The following SUMF1 variants were observed in gnomAD, a reference collection of about 807,000 sequenced individuals.
The protein encoded by SUMF1 is sulfatase modifying factor 1, also known as formylglycine-generating enzyme.
Under a neutral mutation model 47.6 loss-of-function variants are expected in SUMF1, and 48 were observed. That is an observed-to-expected ratio of 1.01 (90% CI 0.80 to 1.28). The LOEUF is 1.28. SUMF1 is among the 50% of genes most tolerant of loss of function. The pLI, the probability that SUMF1 is intolerant of heterozygous loss-of-function variation, is 0.00. For missense variants in SUMF1, 571 were observed against 485.4 expected (o/e 1.18, Z -1.66); for synonymous variants, 230 against 192.1 (o/e 1.20, Z -1.63).
chr3:4,351,552 G>C (rs1699502055), intron 8 of SUMF1, among the ~76,000 whole-genome samples: 1 of 152,182 alleles, frequency 6.6e-6, no homozygotes, highest in South Asian at 2.1e-4. Flanking sequence ...TGGAACGAAT[G>C]AGCTGATAAT....
intron 8 of SUMF1, among the ~76,000 whole-genome samples, chr3:4,281,683 T>C (rs1303569235): frequency 2.0e-5 from 3 of 152,040 alleles, no homozygotes; most frequent in East Asian, 3.9e-4. Context: ...AAACAAACTT[T>C]TGGGGGAAAA....
chr3:4,457,155 T>C (rs995575960), intron 1 of SUMF1, among the ~76,000 whole-genome samples: 1 of 151,320 alleles, frequency 6.6e-6, no homozygotes, highest in Non-Finnish European at 1.5e-5. Flanking sequence ...TTAGCCAGGA[T>C]GGTCTCAATC....
chr3:4,182,992 G>C (rs1028798449), intron 8 of SUMF1, among the ~76,000 whole-genome samples: 12 of 152,234 alleles, frequency 7.9e-5, no homozygotes, highest in Admixed American at 3.3e-4. Flanking sequence ...TAGACACTGA[G>C]GTTGGCTTGA....
At chr3:4,384,435 G>A (rs1003884973) in intron 7 of SUMF1, among the ~76,000 whole-genome samples, 3 of 152,056 alleles carry the variant, frequency 2.0e-5, no homozygotes, top group African/African-American at 7.2e-5. Context: ...CCATCACAAG[G>A]ATCCCTTACG....
chr3:4,047,712 A>G (rs1364913898), intron 9 of SUMF1, among the ~76,000 whole-genome samples: 2 of 152,044 alleles, frequency 1.3e-5, no homozygotes, highest in African/African-American at 4.8e-5. Context: ...TAATACTCAA[A>G]GGAGACAGTA....
chr3:4,138,897 CT>C (rs1246014913), intron 8 of SUMF1, among the ~76,000 whole-genome samples: 2 of 151,980 alleles, frequency 1.3e-5, no homozygotes, highest in African/African-American at 4.8e-5. Flanking sequence ...GTTCTTGAGG[CT>C]ATTTACCCAT....
In SUMF1 at chr3:4,346,779, C is replaced by T. The variant is rs185460775; in HGVS notation, c.1014+29551G>A. On this transcript the variant is annotated intron_variant and NMD_transcript_variant, in intron 8 of 12. Coordinates refer to the SUMF1 transcript ENST00000448413. The stretch of plus-strand genomic sequence containing the variant: ...TGAAAAAATTAATAGAAAGATAGAC[C>T]GCTAGCTAGGCTAATAAAGAAGAAG... Among the ~76,000 whole-genome samples, 9 of 151,706 alleles carry T rather than the reference C, an allele frequency of 5.9e-5. No homozygotes were observed. In the East Asian group the frequency reaches 1.5e-3, roughly 26 times the overall value.
chr3:4,103,932 G>C (rs1180705739), intron 8 of SUMF1, among the ~76,000 whole-genome samples: 1 of 152,108 alleles, frequency 6.6e-6, no homozygotes, highest in East Asian at 1.9e-4. Flanking sequence ...ATAACACAGA[G>C]TTTACTTGAC....
intron 8 of SUMF1, among the ~76,000 whole-genome samples, chr3:4,238,810 T>A (rs1040460773): frequency 6.6e-6 from 1 of 152,230 alleles, no homozygotes; most frequent in African/African-American, 2.4e-5. Context: ...TGGCTTTTGT[T>A]GCCGTTGCTT....
At chr3:4,266,496 T>C (rs1304540165) in intron 8 of SUMF1, among the ~76,000 whole-genome samples, 1 of 152,212 alleles carries the variant, frequency 6.6e-6, no homozygotes, top group African/African-American at 2.4e-5. Flanking sequence ...GAAGCAATTG[T>C]GAATGGGAGT....
At chr3:4,086,879 G>T (rs930160611) in intron 8 of SUMF1, among the ~76,000 whole-genome samples, 1 of 152,038 alleles carries the variant, frequency 6.6e-6, no homozygotes, top group African/African-American at 2.4e-5. Context: ...TGCCACATAA[G>T]ACATGCCTCT....
chr3:4,087,834 A>G (rs1437772354), intron 8 of SUMF1, among the ~76,000 whole-genome samples: 1 of 152,156 alleles, frequency 6.6e-6, no homozygotes, highest in Non-Finnish European at 1.5e-5. Context: ...AATAATCATG[A>G]GATTCTAAAC....
intron 8 of SUMF1, among the ~76,000 whole-genome samples, chr3:4,173,698 C>A (rs1694884817): frequency 6.6e-6 from 1 of 152,080 alleles, no homozygotes; most frequent in African/African-American, 2.4e-5. Flanking sequence ...ACTATGCAGC[C>A]ATAAGAAAGG....
chr3:4,282,919 C>T (rs1421932997), intron 8 of SUMF1, among the ~76,000 whole-genome samples: 1 of 152,166 alleles, frequency 6.6e-6, no homozygotes, highest in African/African-American at 2.4e-5. Context: ...GCTGTCAGAG[C>T]TATTTTTATT....
At chr3:4,448,798 G>C (rs1702870382) in intron 3 of SUMF1, among the ~76,000 whole-genome samples, 1 of 152,118 alleles carries the variant, frequency 6.6e-6, no homozygotes, top group Admixed American at 6.5e-5. Context: ...CATTTTTCAT[G>C]AACATTCAGA....
At chr3:4,466,888 C>A in intron 1 of SUMF1, 88 bp downstream of exon 1, 1 of 1,533,776 alleles carries the variant, frequency 6.5e-7, no homozygotes, top group Non-Finnish European at 8.8e-7. Context: ...CCTTTACTTC[C>A]CTTCCTACTA....
intron 3 of SUMF1, among the ~76,000 whole-genome samples, chr3:4,445,101 T>C (rs1371599258): frequency 2.0e-5 from 3 of 152,216 alleles, no homozygotes; most frequent in Non-Finnish European, 4.4e-5. Flanking sequence ...TAAAATTAGA[T>C]TGTAATGATA....
At chr3:4,300,077 G>C (rs1697932403) in intron 8 of SUMF1, among the ~76,000 whole-genome samples, 1 of 152,204 alleles carries the variant, frequency 6.6e-6, no homozygotes, top group Non-Finnish European at 1.5e-5. Context: ...GGAGAAGACT[G>C]GATCATGGGG....
chr3:4,342,387 G>A (rs1242313353), intron 8 of SUMF1, among the ~76,000 whole-genome samples: 1 of 152,122 alleles, frequency 6.6e-6, no homozygotes, highest in Non-Finnish European at 1.5e-5. Context: ...ACAAAAATTA[G>A]CTAGATGTGA....
Sources: gnomAD v4.1 joint callset for allele counts (sites outside exome capture counted in the v4.1 genomes callset) on GRCh38, gnomAD v4.1.1 for gene constraint, MANE v1.5 for transcripts, NCBI Gene and HGNC (gene_info 2026-07-23, HGNC 2026-07-21) for gene names.